The following MGA variants were observed in gnomAD, a reference collection of about 807,000 sequenced individuals.
MGA encodes the protein MAX gene-associated protein.
Under a neutral mutation model 261.1 loss-of-function variants are expected in MGA, and 40 were observed. That is an observed-to-expected ratio of 0.15 (90% CI 0.12 to 0.20). The LOEUF is 0.20. MGA is among the 10% of genes least tolerant of loss of function. The pLI, the probability that MGA is intolerant of heterozygous loss-of-function variation, is 1.00. For missense variants in MGA, 3,397 were observed against 3,630.5 expected (o/e 0.94, Z 1.65); for synonymous variants, 1,302 against 1,290.6 (o/e 1.01, Z -0.19).
rs1296005426 is a variant in MGA, at chr15:41,768,551, C to CA, written c.*1272dup. On this transcript the variant is annotated 3_prime_UTR_variant, in exon 24 of 24. Coordinates refer to ENST00000219905, the MANE Select transcript of MGA (RefSeq NM_001164273.2). ...TGGAAACTCCTAGGGGGTCAAGAAT[C>CA]ACTATTCTGAAACTGTATAGACTGG... 1.3e-5 allele frequency: 2 copies of CA among 152,564 alleles called. No individual in the cohort carries two copies. Among genetic ancestry groups the CA allele is most frequent in the Non-Finnish European group, 2.9e-5 (2 of 68,030 alleles). 9.5% of individuals were successfully genotyped at this position (152,564 alleles called of 1,614,324 possible).
intron 2 of MGA, among the ~76,000 whole-genome samples, chr15:41,679,535 G>A (rs902474742): frequency 6.6e-6 from 1 of 151,998 alleles, no homozygotes; most frequent in Non-Finnish European, 1.5e-5. Flanking sequence ...CTATTCCTAA[G>A]TATTTTATTC....
At chr15:41,718,301 G>GTGTATA (rs1256381241) in intron 9 of MGA, 102 of 193,550 alleles carry the variant, frequency 5.3e-4, no homozygotes, top group African/African-American at 2.3e-3. Context: ...GTGTGTGTGT[G>GTGTATA]TATATATATA....
chr15:41,688,097 A>G (rs1210625605), intron 2 of MGA, among the ~76,000 whole-genome samples: 1 of 152,160 alleles, frequency 6.6e-6, no homozygotes, highest in Non-Finnish European at 1.5e-5. Flanking sequence ...TTATTTTGAG[A>G]TGGAACCTCG....
chr15:41,699,147 G>A lies in MGA; in HGVS notation c.2176G>A (p.Gly726Ser), dbSNP rs758230890. 1.9e-6 allele frequency: 3 copies of A among 1,604,378 alleles called. No homozygotes were observed. In the South Asian group the frequency reaches 3.4e-5, roughly 18 times the overall value. Residue 726 changes from glycine (G) to serine (S), a missense_variant, in exon 5 of 24, where the codon GGT becomes AGT. This residue lies in a region of MGA where 19 missense variants were observed against 44.7 expected (regional missense o/e 0.43). Transcript: ENST00000219905. ...GCGGCACAAGCAGGTGATACATCCT[G>A]GTCTTCAAGAAGGTAATAGACTAGC... is the stretch of plus-strand genomic sequence containing the variant.
upstream of MGA, among the ~76,000 whole-genome samples, chr15:41,659,590 G>C (rs1199195218): frequency 1.7e-4 from 26 of 152,226 alleles, no homozygotes; most frequent in Non-Finnish European, 1.5e-5. Context: ...AAGGTTAGGA[G>C]AAATACTGTC....
chr15:41,693,056 T>A lies in MGA; in HGVS notation c.1065-3019T>A, dbSNP rs62002064. Among the ~76,000 whole-genome samples the A allele has an allele frequency of 3.3e-3, 508 of 152,242 alleles. 1 individual carries two copies. Among genetic ancestry groups the A allele is most frequent in the Non-Finnish European group, 4.5e-3 (309 of 68,014 alleles). The stretch of plus-strand genomic sequence containing the variant: ...TTTCACCATGTTGCCCCCAGAGTGG[T>A]CTCAAACTCCTGAGCTCAGGCAGTC... On this transcript the variant is annotated intron_variant, in intron 2 of 23. Coordinates refer to ENST00000219905, the MANE Select transcript of MGA (RefSeq NM_001164273.2).
chr15:41,742,807 C>G lies in MGA; in HGVS notation c.4847C>G (p.Thr1616Ser). 2.5e-6 allele frequency: 4 copies of G among 1,613,954 alleles called. No homozygotes were observed. In the South Asian group the frequency reaches 4.4e-5, roughly 18 times the overall value. Residue 1616 changes from threonine (T) to serine (S), a missense_variant, in exon 15 of 24, where the codon ACT becomes AGT. Transcript: ENST00000219905. ...AATACTACTGCTGTGACACCTATGA[C>G]TGCTATTTCTGACGTGGAAACTAAA... is the stretch of plus-strand genomic sequence containing the variant.
intron 1 of MGA, among the ~76,000 whole-genome samples, chr15:41,622,515 T>G (rs1204793852): frequency 6.6e-6 from 1 of 152,206 alleles, no homozygotes; most frequent in Non-Finnish European, 1.5e-5. Context: ...TCATTCCCAT[T>G]TATACTTTAT....
At chr15:41,634,804 A>G (rs1250769032) in intron 1 of MGA, among the ~76,000 whole-genome samples, 1 of 152,106 alleles carries the variant, frequency 6.6e-6, no homozygotes, top group Non-Finnish European at 1.5e-5. Flanking sequence ...AGTTAAAGAG[A>G]GGGAGGGAGG....
In MGA at chr15:41,696,695, C is replaced by A; in HGVS notation, c.1685C>A (p.Thr562Lys). The change falls in exon 3 of 24, where the codon ACA becomes AAA. Residue 562 changes from threonine to lysine, a missense_variant. Thr to Lys is a moderately conservative substitution (Grantham distance 78, BLOSUM62 -1). Around this residue, in one of 9 missense-constraint regions of MGA, gnomAD observed 563 missense variants for 563.6 expected, o/e 1.00. Transcript: ENST00000219905. ...CCTGATATATCTGACAGCATTAGCA[C>A]AGAAAGAATACTCGACGATTCAAAG... 1 of 1,612,756 alleles carries A rather than the reference C, an allele frequency of 6.2e-7. No homozygotes were observed. Among genetic ancestry groups the A allele is most frequent in the Non-Finnish European group, 8.5e-7 (1 of 1,179,334 alleles).
At chr15:41,674,356 C>T (rs941497812) in intron 2 of MGA, among the ~76,000 whole-genome samples, 3 of 151,612 alleles carry the variant, frequency 2.0e-5, no homozygotes, top group Admixed American at 6.6e-5. Context: ...CCACCATGCC[C>T]GACTAATTTT....
At position 41,711,215 on chromosome 15, in the gene MGA, C is replaced by T. The variant is rs372122562; in HGVS notation, c.2950C>T (p.Arg984Cys). ...GCAGCAGCAACAGCAACAGGGAAGT[C>T]GCCCTCCAGGCTTGTCTAAATCTCA... The change falls in exon 8 of 24, where the codon CGC (arginine) becomes TGC (cysteine). Residue 984 changes from arginine (R) to cysteine (C), a missense_variant. By Grantham distance (180) the Arg-to-Cys change is radical. Around this residue, in one of 9 missense-constraint regions of MGA, gnomAD observed 519 missense variants for 554.1 expected, o/e 0.94. Coordinates refer to ENST00000219905, the MANE Select transcript of MGA (RefSeq NM_001164273.2). 2.4e-4 allele frequency: 391 copies of T among 1,613,862 alleles called. No homozygotes were observed. The highest frequency in any genetic ancestry group is 3.1e-4 in the Non-Finnish European group (362 of 1,179,896).
intron 20 of MGA, among the ~76,000 whole-genome samples, chr15:41,760,811 A>G (rs1216517675): frequency 2.6e-5 from 4 of 151,936 alleles, no homozygotes; most frequent in Non-Finnish European, 4.4e-5. Context: ...ATCTTGGCTC[A>G]CCGCAACCTT....
chr15:41,648,014 G>A (rs1467207670), intron 1 of MGA, among the ~76,000 whole-genome samples: 1 of 152,096 alleles, frequency 6.6e-6, no homozygotes, highest in Non-Finnish European at 1.5e-5. Flanking sequence ...GTCCAGAATC[G>A]ACACTATCAT....
intron 1 of MGA, among the ~76,000 whole-genome samples, chr15:41,665,319 T>C (rs1265167599): frequency 6.6e-6 from 1 of 152,144 alleles, no homozygotes; most frequent in Non-Finnish European, 1.5e-5. Context: ...TTCCTTTTTG[T>C]ATAAAAACTG....
rs372122097 is a variant in MGA, at chr15:41,736,381, A to G, written c.4117A>G (p.Ile1373Val). The change falls in exon 13 of 24, where the codon ATC (isoleucine) becomes GTC (valine). Residue 1373 changes from isoleucine (I) to valine (V), a missense_variant. Physicochemically the swap from Ile to Val is conservative, Grantham distance 29 (BLOSUM62 3). Coordinates refer to ENST00000219905, the MANE Select transcript of MGA (RefSeq NM_001164273.2). ...ACAATCACTTAAGGTGGGCAGCTTC[A>G]TCATTGAGTTGGCTTCTCAGCGAAA... The G allele has an allele frequency of 5.0e-6, 8 of 1,613,892 alleles. No homozygotes were observed. The African/African-American group carries it at 1.1e-4, about 22-fold the overall frequency.
chr15:41,726,577 A>G (rs2061258936), intron 9 of MGA, among the ~76,000 whole-genome samples: 1 of 151,968 alleles, frequency 6.6e-6, no homozygotes, highest in South Asian at 2.1e-4. Flanking sequence ...AAAAATATAA[A>G]AATTAGCCAG....
At chr15:41,656,602 C>T (rs527807445), upstream of MGA, among the ~76,000 whole-genome samples, 3 of 151,672 alleles carry the variant, frequency 2.0e-5, no homozygotes, top group Admixed American at 6.6e-5. Context: ...TCAAACAGTC[C>T]GTCCCACCTC....
chr15:41,671,474 C>A lies in MGA; in HGVS notation c.1064+1516C>A, dbSNP rs185807465. The stretch of plus-strand genomic sequence containing the variant: ...AAGTAGCTGGGATTGCAGGTGTGTG[C>A]CACCATGCCCGGCTAAATTTTTTAT... On this transcript the variant is annotated intron_variant, in intron 2 of 23. Transcript: ENST00000219905. 1.9e-3 allele frequency among the ~76,000 whole-genome samples: 284 copies of A among 152,196 alleles called. 4 individuals are homozygous for A. Among genetic ancestry groups the A allele is most frequent in the Middle Eastern group, 0.014 (4 of 294 alleles).
Sources: allele counts gnomAD v4.1 joint callset (sites outside exome capture counted in the v4.1 genomes callset), GRCh38; gene constraint gnomAD v4.1.1; regional missense constraint gnomAD v4.1.1; transcripts MANE v1.5; gene names NCBI Gene and HGNC (gene_info 2026-07-23, HGNC 2026-07-21).